COBLL1: variants seen among roughly 807,000 people sequenced by gnomAD.
COBLL1 encodes cordon-bleu protein-like 1.
COBLL1 carries 50 observed loss-of-function variants against 94.8 expected under a neutral mutation model. The ratio of observed to expected loss-of-function variants is 0.53; its 90% CI spans 0.42 to 0.67. The LOEUF (loss-of-function observed/expected upper bound fraction) is 0.67. Ranked by LOEUF, COBLL1 falls within the 30% of genes least tolerant of loss-of-function variation. The probability of loss-of-function intolerance (pLI) is 0.00; values close to 1 mark genes in which losing one functional copy is unlikely to be tolerated. For synonymous variants in COBLL1, 448 were observed against 473.8 expected, an observed-to-expected ratio of 0.95 and a Z score of 0.71; for missense variants, 1,362 against 1,348.7, an observed-to-expected ratio of 1.01 and a Z score of -0.15.
At chr2:164,782,338 TA>T (rs1160347375) in intron 2 of COBLL1, among the ~76,000 whole-genome samples, 2 of 152,128 alleles carry the variant, frequency 1.3e-5, no homozygotes, top group Non-Finnish European at 2.9e-5. Context: ...AATTAACTGT[TA>T]ATTATGTTTT....
chr2:164,763,035 A>G (rs1687762668), intron 2 of COBLL1, among the ~76,000 whole-genome samples: 1 of 152,166 alleles, frequency 6.6e-6, no homozygotes, highest in South Asian at 2.1e-4. Flanking sequence ...GTTTGCTGGA[A>G]CATGAACATG....
Position 164,841,093 on chromosome 2 carries a change from GCCTCGCTGT to G in COBLL1, c.41+54_41+62del. The G allele has an allele frequency of 2.4e-6, 3 of 1,225,178 alleles. No homozygotes were observed. Among genetic ancestry groups the G allele is most frequent in the Non-Finnish European group, 3.1e-6 (3 of 982,748 alleles). The allele number at this position is 1,225,178 out of a possible 1,614,324, so 75.9% of individuals were successfully genotyped here. On this transcript the variant is annotated intron_variant, in intron 2 of 13. Transcript: ENST00000652658. This position sits in a 1 kb window ranked among gnomAD's most constrained non-coding sequence, Gnocchi z 5.5. ...TTGCCAGCCAGGTGAAACGGCCGAG[GCCTCGCTGT>G]CCTCGCCGGCCTCGCCCTCCCCGGT... is the stretch of plus-strand genomic sequence containing the variant.
At chr2:164,731,292 T>G (rs1303173723) in intron 3 of COBLL1, among the ~76,000 whole-genome samples, 1 of 152,186 alleles carries the variant, frequency 6.6e-6, no homozygotes, top group Non-Finnish European at 1.5e-5. Flanking sequence ...CATGAGATAA[T>G]TTCAAATAAT....
intron 2 of COBLL1, among the ~76,000 whole-genome samples, chr2:164,817,893 T>C (rs1200396870): frequency 6.6e-6 from 1 of 152,118 alleles, no homozygotes; most frequent in Non-Finnish European, 1.5e-5. Flanking sequence ...TAAATGCTGA[T>C]CATCCTTTTA....
intron 7 of COBLL1, among the ~76,000 whole-genome samples, chr2:164,706,998 C>T (rs1684637285): frequency 6.6e-6 from 1 of 152,166 alleles, no homozygotes; most frequent in Admixed American, 6.5e-5. Flanking sequence ...CACTCCACTC[C>T]AGCCACACTG....
chr2:164,727,936 C>T (rs769452731), intron 5 of COBLL1, 33 bp downstream of exon 5: 3 of 1,386,436 alleles, frequency 2.2e-6, no homozygotes, highest in Middle Eastern at 1.8e-4. Context: ...TATACACATC[C>T]CACTAAATAA....
Position 164,841,217 on chromosome 2 carries a change from G to T in COBLL1, c.-21C>A. 2 of 1,231,324 alleles carry T rather than the reference G, an allele frequency of 1.6e-6. No individual in the cohort carries two copies. The highest frequency in any genetic ancestry group is 2.0e-6 in the Non-Finnish European group (2 of 988,500). The allele number at this position is 1,231,324 out of a possible 1,614,324, so 76.3% of individuals were successfully genotyped here. A position where few individuals can be genotyped will look rare whatever the true frequency, so the allele number is the denominator to read the frequency against. Reference sequence around the variant, plus strand: ...TCCATCGCCCTGCGGGGCGCTGCGCGGGCTCCAGCTCCCAGGCGGCGCGTC... The same window carrying T: ...TCCATCGCCCTGCGGGGCGCTGCGCTGGCTCCAGCTCCCAGGCGGCGCGTC... On this transcript the variant is annotated 5_prime_UTR_variant, in exon 2 of 14. Transcript: ENST00000652658. This position sits in a 1 kb window ranked among gnomAD's most constrained non-coding sequence, Gnocchi z 5.5.
intron 2 of COBLL1, among the ~76,000 whole-genome samples, chr2:164,817,916 C>T (rs1684857316): frequency 6.6e-6 from 1 of 152,036 alleles, no homozygotes; most frequent in South Asian, 2.1e-4. Context: ...TTCACTTAGC[C>T]CAGTTTCTGG....
At chr2:164,707,082 G>A (rs953832832) in intron 7 of COBLL1, among the ~76,000 whole-genome samples, 1 of 151,914 alleles carries the variant, frequency 6.6e-6, no homozygotes, top group African/African-American at 2.4e-5. Context: ...TGCTCCCTGT[G>A]CCTGGAATGC....
At chr2:164,841,863 G>C, upstream of COBLL1, 1 of 907,106 alleles carries the variant, frequency 1.1e-6, no homozygotes, top group Non-Finnish European at 1.6e-6. The surrounding 1 kb of genome is among the most constrained non-coding windows in gnomAD (Gnocchi z 5.5). Flanking sequence ...CCCAGCGCGG[G>C]CAGGGCCGAC....
At chr2:164,822,983 G>T (rs1246838344) in intron 2 of COBLL1, among the ~76,000 whole-genome samples, 1 of 151,782 alleles carries the variant, frequency 6.6e-6, no homozygotes, top group Non-Finnish European at 1.5e-5. Context: ...TGGCCGGGCT[G>T]GTGAAAAGTT....
At position 164,768,779 on chromosome 2, in the gene COBLL1, C is replaced by T. The variant is rs180707488; in HGVS notation, c.42-24904G>A. ...AAGATAAGTAATATGTATTGACAAA[C>T]GACATTTCTAAAAATCTCCGTGAAA... is the stretch of plus-strand genomic sequence containing the variant. On this transcript the variant is annotated intron_variant, in intron 2 of 13. Transcript: ENST00000652658. 2.5e-4 allele frequency among the ~76,000 whole-genome samples: 38 copies of T among 152,158 alleles called. No homozygotes were observed. The East Asian group carries it at 5.4e-3, about 22-fold the overall frequency.
Position 164,729,999 on chromosome 2 carries a change from G to A in COBLL1, c.347C>T (p.Thr116Ile). ...CTCTACCTCCAACATTCCTATTGGT[G>A]TGTTTGGCTTAAATTTAATGTGGTT... ...EQNHIKFKPN[T>I]PIGMLEVEKV... The change falls in exon 4 of 14, where the codon ACA (threonine) becomes ATA (isoleucine). Residue 116 changes from threonine (T) to isoleucine (I), a missense_variant. Transcript: ENST00000652658. 1 of 1,614,008 alleles carries A rather than the reference G, an allele frequency of 6.2e-7. No individual in the cohort carries two copies. Among genetic ancestry groups the A allele is most frequent in the Non-Finnish European group, 8.5e-7 (1 of 1,179,976 alleles).
At chr2:164,811,459 A>G (rs1684453566) in intron 2 of COBLL1, among the ~76,000 whole-genome samples, 1 of 151,962 alleles carries the variant, frequency 6.6e-6, no homozygotes, top group Non-Finnish European at 1.5e-5. Flanking sequence ...TGTACATAAC[A>G]GTGAATCTAA....
At chr2:164,791,525 T>C (rs1341927895) in intron 2 of COBLL1, among the ~76,000 whole-genome samples, 2 of 152,132 alleles carry the variant, frequency 1.3e-5, no homozygotes, top group South Asian at 2.1e-4. Context: ...TACACATACA[T>C]ACATACATAC....
intron 2 of COBLL1, among the ~76,000 whole-genome samples, chr2:164,772,699 T>C (rs1356558206): frequency 2.6e-5 from 4 of 152,120 alleles, no homozygotes; most frequent in Non-Finnish European, 1.5e-5. Flanking sequence ...TGCATTTAGC[T>C]ATCCACAGAT....
intron 2 of COBLL1, among the ~76,000 whole-genome samples, chr2:164,778,586 G>C (rs1280704821): frequency 6.6e-6 from 1 of 152,146 alleles, no homozygotes; most frequent in Non-Finnish European, 1.5e-5. Context: ...CTGGGCGACA[G>C]AGTGAGTGAG....
intron 10 of COBLL1, among the ~76,000 whole-genome samples, chr2:164,699,759 T>G (rs962447152): frequency 6.6e-6 from 1 of 152,056 alleles, no homozygotes. Context: ...AAATAGACAC[T>G]TTTCCAAAAT....
chr2:164,773,751 G>A (rs748629658), intron 2 of COBLL1: 29 of 1,296,938 alleles, frequency 2.2e-5, no homozygotes, highest in South Asian at 8.8e-5. Flanking sequence ...TTCCTCTAGC[G>A]CTTTACTTTT....
Sources: gnomAD v4.1 joint callset for allele counts (sites outside exome capture counted in the v4.1 genomes callset) on GRCh38, gnomAD v4.1.1 for gene constraint, Gnocchi (gnomAD v3.1) non-coding constraint, MANE v1.5 for transcripts, NCBI Gene and HGNC (gene_info 2026-07-23, HGNC 2026-07-21) for gene names.